The following CADM2 variants were observed in gnomAD, a reference collection of about 807,000 sequenced individuals.
CADM2 encodes the protein immunoglobulin superfamily member 4D.
Under a neutral mutation model 49.8 loss-of-function variants are expected in CADM2, and 12 were observed. The observed-to-expected ratio is 0.24, with a 90% CI of 0.15 to 0.39. CADM2 has a LOEUF of 0.39. Among genes scored for constraint, CADM2 ranks in the 10% least tolerant of loss-of-function variants. The pLI is 1.00. For synonymous variants in CADM2, 214 were observed against 175.4 expected (o/e 1.22, Z -1.74); for missense variants, 378 against 492.3 (o/e 0.77, Z 2.20).
chr3:85,983,992 T>C (rs992727668), intron 8 of CADM2, among the ~76,000 whole-genome samples: 1 of 150,386 alleles, frequency 6.6e-6, no homozygotes, highest in Non-Finnish European at 1.5e-5. Flanking sequence ...ATTATATATA[T>C]ACATATGTGT....
intron 1 of CADM2, among the ~76,000 whole-genome samples, chr3:85,079,843 G>C (rs1248638185): frequency 6.6e-6 from 1 of 151,750 alleles, no homozygotes; most frequent in Non-Finnish European, 1.5e-5. Flanking sequence ...TTTAGATAAT[G>C]CATAAACCAT....
chr3:85,618,606 C>T (rs2063869536), intron 1 of CADM2, among the ~76,000 whole-genome samples: 1 of 152,086 alleles, frequency 6.6e-6, no homozygotes, highest in South Asian at 2.1e-4. Context: ...AGGCTTGGCT[C>T]ACCTACGTAA....
At chr3:85,543,957 A>T (rs1022560490) in intron 1 of CADM2, among the ~76,000 whole-genome samples, 48 of 152,208 alleles carry the variant, frequency 3.2e-4, no homozygotes, top group African/African-American at 1.2e-3. Context: ...CATAAATATC[A>T]AAGCATATGT....
intron 1 of CADM2, among the ~76,000 whole-genome samples, chr3:85,437,816 A>G (rs896919929): frequency 6.6e-6 from 1 of 151,958 alleles, no homozygotes; most frequent in African/African-American, 2.4e-5. Context: ...ATCAGAAGCA[A>G]CTCATAGAAA....
intron 3 of CADM2, among the ~76,000 whole-genome samples, chr3:85,828,527 G>A (rs2074030506): frequency 6.6e-6 from 1 of 151,812 alleles, no homozygotes; most frequent in African/African-American, 2.4e-5. Context: ...ACCACAGTTA[G>A]CACATCAGAG....
At chr3:85,607,495 T>C (rs1335825788) in intron 1 of CADM2, among the ~76,000 whole-genome samples, 1 of 152,016 alleles carries the variant, frequency 6.6e-6, no homozygotes, top group Non-Finnish European at 1.5e-5. Context: ...TAATTTAAAA[T>C]AACTAAAGAG....
chr3:85,468,482 C>T (rs140790149), intron 1 of CADM2, among the ~76,000 whole-genome samples: 2 of 152,244 alleles, frequency 1.3e-5, no homozygotes, highest in East Asian at 1.9e-4. Context: ...ATCAAATAAT[C>T]ACCTTACTTG....
At chr3:85,263,931 A>G (rs753778962) in intron 1 of CADM2, among the ~76,000 whole-genome samples, 2 of 152,042 alleles carry the variant, frequency 1.3e-5, no homozygotes, top group Non-Finnish European at 2.9e-5. Context: ...TATTTGTTTT[A>G]TTAGTATGTC....
At chr3:85,382,338 A>T (rs1200304455) in intron 1 of CADM2, among the ~76,000 whole-genome samples, 1 of 152,118 alleles carries the variant, frequency 6.6e-6, no homozygotes, top group African/African-American at 2.4e-5. Context: ...GAAGTCTGGG[A>T]GTTATATTAG....
At chr3:85,570,359 C>T (rs1183622295) in intron 1 of CADM2, among the ~76,000 whole-genome samples, 1 of 151,794 alleles carries the variant, frequency 6.6e-6, no homozygotes, top group Admixed American at 6.6e-5. Context: ...AAATCTTTTA[C>T]GAAGCTCAAG....
chr3:85,206,351 A>G lies in CADM2; in HGVS notation c.61+246683A>G, dbSNP rs191345904. Reference sequence around the variant, plus strand: ...GAGATGGAGTCTTGCTCTGTCACCCAGGCTGGAGTGCAGTGGCGCAATCTC... The same window carrying G: ...GAGATGGAGTCTTGCTCTGTCACCCGGGCTGGAGTGCAGTGGCGCAATCTC... On this transcript the variant is annotated intron_variant, in intron 1 of 9. Coordinates refer to ENST00000383699, the MANE Select transcript of CADM2 (RefSeq NM_001167675.2). 1.4e-4 allele frequency among the ~76,000 whole-genome samples: 20 copies of G among 138,714 alleles called. No homozygotes were observed. In the East Asian group the frequency reaches 4.0e-3, roughly 28 times the overall value. 91.0% of individuals were successfully genotyped at this position (138,714 alleles called of 152,430 possible). A position where few individuals can be genotyped will look rare whatever the true frequency, so the allele number is the denominator to read the frequency against.
intron 5 of CADM2, among the ~76,000 whole-genome samples, chr3:85,897,071 G>A (rs1715310694): frequency 6.6e-6 from 1 of 151,888 alleles, no homozygotes; most frequent in Non-Finnish European, 1.5e-5. Context: ...AGGTATTTAG[G>A]AAAGAAAGGA....
intron 1 of CADM2, among the ~76,000 whole-genome samples, chr3:85,481,408 TCC>T (rs1293935045): frequency 1.3e-5 from 2 of 151,640 alleles, no homozygotes; most frequent in African/African-American, 4.8e-5. Flanking sequence ...TTAAGCCGCT[TCC>T]ATGAATGCTA....
chr3:86,066,300 T>A (rs1739305075), intron 9 of CADM2, among the ~76,000 whole-genome samples: 1 of 114,216 alleles, frequency 8.8e-6, no homozygotes, highest in African/African-American at 3.6e-5. Flanking sequence ...GCCACTGCAC[T>A]CCAGCCTGGG....
At chr3:85,471,306 T>G (rs896213037) in intron 1 of CADM2, among the ~76,000 whole-genome samples, 6 of 152,110 alleles carry the variant, frequency 3.9e-5, no homozygotes, top group African/African-American at 1.4e-4. Flanking sequence ...AGAAAAGAGC[T>G]TGGGAGAAAA....
chr3:85,838,326 A>C (rs2074491554), intron 3 of CADM2, among the ~76,000 whole-genome samples: 1 of 151,774 alleles, frequency 6.6e-6, no homozygotes, highest in Non-Finnish European at 1.5e-5. Flanking sequence ...TAGGGCCCTT[A>C]CTCAAACATC....
chr3:85,202,921 T>C (rs1216189447), intron 1 of CADM2, among the ~76,000 whole-genome samples: 1 of 152,210 alleles, frequency 6.6e-6, no homozygotes, highest in Non-Finnish European at 1.5e-5. Flanking sequence ...TTTTTATGTT[T>C]TGGAGACAGC....
chr3:85,531,722 A>C (rs1297969224), intron 1 of CADM2, among the ~76,000 whole-genome samples: 1 of 152,184 alleles, frequency 6.6e-6, no homozygotes, highest in Non-Finnish European at 1.5e-5. Context: ...CAGTCTAAAA[A>C]TATACCCATG....
chr3:85,559,812 A>G lies in CADM2; in HGVS notation c.62-166710A>G, dbSNP rs370216075. Among the ~76,000 whole-genome samples the G allele has an allele frequency of 1.8e-4, 27 of 152,272 alleles. 1 individual carries two copies. The East Asian group carries it at 2.9e-3, about 16-fold the overall frequency. On this transcript the variant is annotated intron_variant, in intron 1 of 9. Transcript: ENST00000383699. ...CAAGATTTATTGGAAGGTGAAGAGA[A>G]GGAAATTGCATCAGTGATGACTGGT...
Sources: gnomAD v4.1 joint callset for allele counts (sites outside exome capture counted in the v4.1 genomes callset) on GRCh38, gnomAD v4.1.1 for gene constraint, MANE v1.5 for transcripts, NCBI Gene and HGNC (gene_info 2026-07-23, HGNC 2026-07-21) for gene names.